The following SPAG9 variants were observed in gnomAD, a reference collection of about 807,000 sequenced individuals.
SPAG9 encodes C-Jun-amino-terminal kinase-interacting protein 4.
In SPAG9, 35 loss-of-function variants were observed where a neutral mutation model predicts 166.5. The observed-to-expected ratio is 0.21, with a 90% CI of 0.16 to 0.28. The LOEUF (loss-of-function observed/expected upper bound fraction) is 0.28. Among genes scored for constraint, SPAG9 ranks in the 10% least tolerant of loss-of-function variants. The probability of loss-of-function intolerance (pLI) is 1.00; values close to 1 mark genes in which losing one functional copy is unlikely to be tolerated. For synonymous variants in SPAG9, 534 were observed against 565.5 expected (o/e 0.94, Z 0.79); for missense variants, 1,235 against 1,603.3 (o/e 0.77, Z 3.92).
intron 1 of SPAG9, among the ~76,000 whole-genome samples, chr17:51,099,572 T>C (rs1378450646): frequency 1.3e-5 from 2 of 151,756 alleles, no homozygotes; most frequent in African/African-American, 4.8e-5. Context: ...AGGAATGCTC[T>C]ACCTGTGTTA....
chr17:51,048,952 A>C (rs2144469899), intron 3 of SPAG9, among the ~76,000 whole-genome samples: 1 of 152,346 alleles, frequency 6.6e-6, no homozygotes, highest in East Asian at 1.9e-4. Context: ...CCTTTCATCT[A>C]TCAGCAAGTC....
At chr17:51,030,363 T>G (rs2046337799) in intron 6 of SPAG9, among the ~76,000 whole-genome samples, 1 of 152,190 alleles carries the variant, frequency 6.6e-6, no homozygotes, top group African/African-American at 2.4e-5. Context: ...CTACCTAAGT[T>G]TGTCTCTTAG....
rs1424699230 is a variant in SPAG9 at position 50,965,055 on chromosome 17, C to T, written c.*1217G>A. ...GGATTACAGGCGTGAGCCACCATGCCCAACCTATTTTTTTTTTTTAATGGG... is the reference window on the plus strand; with the variant it reads ...GGATTACAGGCGTGAGCCACCATGCTCAACCTATTTTTTTTTTTTAATGGG... On this transcript the variant is annotated 3_prime_UTR_variant, in exon 30 of 30. Transcript: ENST00000262013. 6.6e-6 allele frequency: 1 copy of T among 152,468 alleles called. No homozygotes were observed. Among genetic ancestry groups the T allele is most frequent in the African/African-American group, 2.4e-5 (1 of 41,406 alleles). 9.4% of individuals were successfully genotyped at this position (152,468 alleles called of 1,614,324 possible). A position where few individuals can be genotyped will look rare whatever the true frequency, so the allele number is the denominator to read the frequency against.
chr17:51,086,203 C>T (rs1323215066), intron 1 of SPAG9, among the ~76,000 whole-genome samples: 2 of 151,904 alleles, frequency 1.3e-5, no homozygotes, highest in East Asian at 3.9e-4. Flanking sequence ...TGGTCTCAAA[C>T]TCCTGACCTC....
chr17:50,984,898 A>G (rs1352453884), intron 24 of SPAG9, 25 bp downstream of exon 24: 2 of 1,594,750 alleles, frequency 1.3e-6, no homozygotes, highest in Non-Finnish European at 1.7e-6. Flanking sequence ...ATTAGTGTCC[A>G]TGTTATACAC....
chr17:51,002,738 G>A (rs1325449549), intron 12 of SPAG9, among the ~76,000 whole-genome samples: 1 of 151,946 alleles, frequency 6.6e-6, no homozygotes, highest in African/African-American at 2.4e-5. Context: ...ACCTGGGCAA[G>A]AGAGTGCAAT....
intron 2 of SPAG9, among the ~76,000 whole-genome samples, chr17:51,073,877 C>T (rs557000459): frequency 6.0e-5 from 9 of 150,870 alleles, no homozygotes; most frequent in East Asian, 2.0e-4. Context: ...CCGAGGTGGG[C>T]GGACCACAAG....
At chr17:51,083,937 T>C (rs1326064979) in intron 1 of SPAG9, among the ~76,000 whole-genome samples, 4 of 152,192 alleles carry the variant, frequency 2.6e-5, no homozygotes, top group African/African-American at 9.6e-5. Context: ...CTCTTCGCTA[T>C]ACTTTTCTAT....
intron 5 of SPAG9, among the ~76,000 whole-genome samples, chr17:51,036,708 G>T: frequency 6.6e-6 from 1 of 151,906 alleles, no homozygotes; most frequent in South Asian, 2.1e-4. Context: ...TGTTGCTGGG[G>T]CCCTGACTCT....
chr17:51,079,448 A>G, intron 2 of SPAG9, 136 bp downstream of exon 2: 1 of 672,472 alleles, frequency 1.5e-6, no homozygotes, highest in South Asian at 2.2e-5. Context: ...CATGTTGACC[A>G]GGCTGGTCTT....
intron 1 of SPAG9, among the ~76,000 whole-genome samples, chr17:51,109,311 AC>A (rs2049039459): frequency 6.6e-6 from 1 of 151,908 alleles, no homozygotes; most frequent in African/African-American, 2.4e-5. Context: ...ATCTCAGCTC[AC>A]CACAACCTCC....
intron 2 of SPAG9, among the ~76,000 whole-genome samples, chr17:51,077,021 T>TCTAGCTAGCTAGCTATCTAG (rs1249662126): frequency 1.3e-5 from 1 of 76,120 alleles, no homozygotes; most frequent in African/African-American, 6.7e-5. Flanking sequence ...TAGCTAGCTA[T>TCTAGCTAGCTAGCTATCTAG]CTAGCTATCT....
intron 4 of SPAG9, among the ~76,000 whole-genome samples, chr17:51,045,545 TA>T (rs1458715796): frequency 2.0e-5 from 3 of 152,150 alleles, no homozygotes; most frequent in African/African-American, 7.2e-5. Context: ...GGGAAGTTAC[TA>T]CTTTAATTCT....
chr17:51,109,742 C>A (rs2049053938), intron 1 of SPAG9, among the ~76,000 whole-genome samples: 2 of 151,794 alleles, frequency 1.3e-5, no homozygotes, highest in African/African-American at 4.8e-5. Flanking sequence ...GACAGAGTCT[C>A]ACTGTGTTGC....
At chr17:51,038,233 A>C (rs1169107035) in intron 5 of SPAG9, among the ~76,000 whole-genome samples, 4 of 152,194 alleles carry the variant, frequency 2.6e-5, no homozygotes, top group African/African-American at 9.6e-5. Context: ...TTGTAGATTC[A>C]AATTTGTGAG....
chr17:51,027,656 T>C (rs2046236119), intron 6 of SPAG9, among the ~76,000 whole-genome samples: 1 of 152,178 alleles, frequency 6.6e-6, no homozygotes, highest in Non-Finnish European at 1.5e-5. Flanking sequence ...AATATCCCAG[T>C]GCAATGCCCT....
intron 6 of SPAG9, among the ~76,000 whole-genome samples, chr17:51,027,085 T>A (rs554730760): frequency 6.6e-5 from 10 of 152,262 alleles, no homozygotes; most frequent in Admixed American, 4.6e-4. Context: ...GACAAAGTAT[T>A]TGGCCAGGGG....
intron 1 of SPAG9, chr17:51,085,562 A>C (rs975474613): frequency 1.8e-4 from 28 of 152,226 alleles, no homozygotes; most frequent in African/African-American, 5.3e-4. Flanking sequence ...ATTATCTCCA[A>C]AGAGAAATCT....
intron 4 of SPAG9, among the ~76,000 whole-genome samples, chr17:51,043,627 A>C (rs1188023974): frequency 6.6e-6 from 1 of 152,194 alleles, no homozygotes; most frequent in African/African-American, 2.4e-5. Flanking sequence ...CCGAAAATCC[A>C]AGGGGACTAA....
Sources: allele counts gnomAD v4.1 joint callset (sites outside exome capture counted in the v4.1 genomes callset), GRCh38; gene constraint gnomAD v4.1.1; transcripts MANE v1.5; gene names NCBI Gene and HGNC (gene_info 2026-07-23, HGNC 2026-07-21).